Variants in ADAMTS17 observed in about 807,000 individuals in gnomAD.
ADAMTS17 encodes A disintegrin and metalloproteinase with thrombospondin motifs 17.
ADAMTS17 carries 113 observed loss-of-function variants against 141.5 expected under a neutral mutation model. That is an observed-to-expected ratio of 0.80 (90% confidence interval 0.69 to 0.93). The LOEUF (loss-of-function observed/expected upper bound fraction) is 0.93. Ranked by LOEUF, ADAMTS17 falls within the 40% of genes least tolerant of loss-of-function variation. The pLI is 0.00. For synonymous variants in ADAMTS17, 768 were observed against 630.6 expected, an observed-to-expected ratio of 1.22 and a Z score of -3.27; for missense variants, 1,659 against 1,517.9, an observed-to-expected ratio of 1.09 and a Z score of -1.54.
intron 13 of ADAMTS17, among the ~76,000 whole-genome samples, chr15:100,109,490 G>A (rs904162342): frequency 6.6e-6 from 1 of 151,906 alleles, no homozygotes; most frequent in African/African-American, 2.4e-5. Flanking sequence ...GTGAAGGGAG[G>A]GGGAGGGGAA....
chr15:100,120,222 C>T (rs954026413), intron 12 of ADAMTS17, among the ~76,000 whole-genome samples: 1 of 152,170 alleles, frequency 6.6e-6, no homozygotes, highest in African/African-American at 2.4e-5. Context: ...TATTTTGAAA[C>T]TCTGCAGTCT....
rs538714374 is a variant in ADAMTS17 at position 99,994,199 on chromosome 15, A to T, written c.2797-999T>A. Among the ~76,000 whole-genome samples, 13 of 152,344 alleles carry T rather than the reference A, an allele frequency of 8.5e-5. No homozygotes were observed. In the East Asian group the frequency reaches 2.5e-3, roughly 29 times the overall value. On this transcript the variant is annotated intron_variant, in intron 19 of 21. Transcript: ENST00000268070. The stretch of plus-strand genomic sequence containing the variant: ...CCCTGTCCCTGACACAGGCGTAAAC[A>T]TATAACTTGGAAAGATGGTGTGCAG...
At chr15:100,291,023 AG>A (rs770286955) in intron 3 of ADAMTS17, among the ~76,000 whole-genome samples, 3 of 152,218 alleles carry the variant, frequency 2.0e-5, no homozygotes, top group Admixed American at 6.5e-5. Context: ...TAAACCAAAG[AG>A]CCCTTGCACA....
chr15:100,130,523 T>C (rs2037984435), intron 12 of ADAMTS17, among the ~76,000 whole-genome samples: 1 of 152,228 alleles, frequency 6.6e-6, no homozygotes, highest in Admixed American at 6.5e-5. Context: ...CTGACCAGAC[T>C]AGGAGCATAA....
At chr15:100,067,747 G>A (rs1160760532) in intron 15 of ADAMTS17, among the ~76,000 whole-genome samples, 1 of 151,988 alleles carries the variant, frequency 6.6e-6, no homozygotes, top group Non-Finnish European at 1.5e-5. Context: ...TTATTAATTT[G>A]TACAAAAAAT....
chr15:100,288,265 A>G (rs1379960292), intron 3 of ADAMTS17, among the ~76,000 whole-genome samples: 1 of 152,206 alleles, frequency 6.6e-6, no homozygotes, highest in African/African-American at 2.4e-5. Flanking sequence ...ATTTTTTAAA[A>G]AGACAAAGAA....
chr15:100,116,992 G>C lies in ADAMTS17; in HGVS notation c.1743C>G (p.His581Gln), dbSNP rs1297157314. Residue 581 changes from histidine (H) to glutamine (Q), a missense_variant, in exon 13 of 22, where the codon CAC (histidine) becomes CAG (glutamine). Transcript: ENST00000268070. Reference protein sequence around the residue: ...DNPPPGPGGTHCPGASVEHAV... With the variant: ...DNPPPGPGGTQCPGASVEHAV... The stretch of plus-strand genomic sequence containing the variant: ...CATGTTCTACACTGGCACCCGGGCA[G>C]TGTGTGCCTCCAGGCCCAGGGCTAG... 3 of 1,612,978 alleles carry C rather than the reference G, an allele frequency of 1.9e-6. No individual in the cohort carries two copies. The highest frequency in any genetic ancestry group is 1.7e-5 in the Admixed American group (1 of 59,864).
rs544649888 is a variant in ADAMTS17 at position 100,044,997 on chromosome 15, G to A, written c.2591+3860C>T. ...TAATTTTTGTATTTTTAGTAGAGAT[G>A]GGGTTTCATCATGTTGGCCAGGCTG... On this transcript the variant is annotated intron_variant, in intron 18 of 21. Coordinates refer to ENST00000268070, the MANE Select transcript of ADAMTS17 (RefSeq NM_139057.4). Among the ~76,000 whole-genome samples, 6 of 151,954 alleles carry A rather than the reference G, an allele frequency of 3.9e-5. 1 individual carries two copies. The highest frequency in any genetic ancestry group is 4.2e-4 in the South Asian group (2 of 4,802).
intron 13 of ADAMTS17, among the ~76,000 whole-genome samples, chr15:100,110,281 TTG>T (rs2036687401): frequency 7.2e-6 from 1 of 139,338 alleles, no homozygotes; most frequent in Non-Finnish European, 1.5e-5. Context: ...ATATATTTTT[TTG>T]AGACAGAGTC....
intron 7 of ADAMTS17, among the ~76,000 whole-genome samples, chr15:100,229,885 C>G (rs1035425252): frequency 6.6e-6 from 1 of 152,204 alleles, no homozygotes. Context: ...GGCCACAGCA[C>G]CTTCCCTGAC....
intron 10 of ADAMTS17, among the ~76,000 whole-genome samples, chr15:100,150,821 C>T (rs1037348647): frequency 2.7e-4 from 41 of 152,266 alleles, no homozygotes; most frequent in South Asian, 2.1e-4. Context: ...GCCCCAGTGT[C>T]TGGGGCCCTT....
At chr15:100,267,808 A>G (rs1371475432) in intron 4 of ADAMTS17, among the ~76,000 whole-genome samples, 3 of 152,226 alleles carry the variant, frequency 2.0e-5, no homozygotes, top group Non-Finnish European at 2.9e-5. Context: ...ACAGGCATAC[A>G]ATGCATAATT....
chr15:100,324,769 C>A (rs2141924680), intron 3 of ADAMTS17, among the ~76,000 whole-genome samples: 1 of 152,274 alleles, frequency 6.6e-6, no homozygotes, highest in African/African-American at 2.4e-5. Context: ...CCTCAATAGT[C>A]AAAAATGAGC....
At chr15:100,296,949 CAGA>C (rs1040913551) in intron 3 of ADAMTS17, among the ~76,000 whole-genome samples, 8 of 152,186 alleles carry the variant, frequency 5.3e-5, no homozygotes, top group African/African-American at 1.9e-4. Context: ...ACCAAATGAA[CAGA>C]AGAATTAAAC....
At chr15:100,080,025 G>A (rs529285681) in intron 15 of ADAMTS17, among the ~76,000 whole-genome samples, 1 of 152,188 alleles carries the variant, frequency 6.6e-6, no homozygotes, top group African/African-American at 2.4e-5. Flanking sequence ...GGCCGTATAT[G>A]TTCTGAATTA....
At chr15:100,048,756 T>C (rs1309678622) in intron 18 of ADAMTS17, 101 bp downstream of exon 18, 3 of 1,534,024 alleles carry the variant, frequency 2.0e-6, no homozygotes, top group Admixed American at 1.7e-5. Flanking sequence ...GAACACAGCA[T>C]AGAGCAGTAC....
chr15:100,325,497 C>A (rs1448415797), intron 3 of ADAMTS17, among the ~76,000 whole-genome samples: 1 of 152,138 alleles, frequency 6.6e-6, no homozygotes, highest in Admixed American at 6.5e-5. Context: ...GTGTCCCCTC[C>A]AGATCTCATA....
At chr15:100,290,024 G>T (rs1032609854) in intron 3 of ADAMTS17, among the ~76,000 whole-genome samples, 3 of 152,206 alleles carry the variant, frequency 2.0e-5, no homozygotes, top group East Asian at 3.9e-4. Flanking sequence ...GAGCATTCAG[G>T]CAAGAGAAAG....
At chr15:100,233,866 G>A (rs1039288966) in intron 7 of ADAMTS17, among the ~76,000 whole-genome samples, 6 of 152,150 alleles carry the variant, frequency 3.9e-5, no homozygotes, top group South Asian at 4.2e-4. Flanking sequence ...GTGGCTTCCC[G>A]GGAGTGAGCA....
Sources: gnomAD v4.1 joint callset for allele counts (sites outside exome capture counted in the v4.1 genomes callset) on GRCh38, gnomAD v4.1.1 for gene constraint, MANE v1.5 for transcripts, NCBI Gene and HGNC (gene_info 2026-07-23, HGNC 2026-07-21) for gene names.